The following TSTD2 variants were observed in gnomAD, a reference collection of about 807,000 sequenced individuals.
The protein encoded by TSTD2 is thiosulfate sulfurtransferase/rhodanese-like domain-containing protein 2.
A neutral mutation model predicts 47.9 loss-of-function variants in TSTD2; 37 were observed. The observed-to-expected ratio is 0.77, with a 90% confidence interval of 0.59 to 1.02. The LOEUF (loss-of-function observed/expected upper bound fraction) is 1.02, where lower values mean the gene tolerates loss of function less well. Among genes scored for constraint, TSTD2 ranks in the 50% least tolerant of loss-of-function variants. The pLI, the probability that TSTD2 is intolerant of heterozygous loss-of-function variation, is 0.00. For synonymous variants in TSTD2, 201 were observed against 215.9 expected (o/e 0.93, Z 0.61); for missense variants, 586 against 616.0 (o/e 0.95, Z 0.52).
At chr9:97,611,550 C>A in intron 5 of TSTD2, 24 bp downstream of exon 5, 1 of 1,577,378 alleles carries the variant, frequency 6.3e-7, no homozygotes, top group South Asian at 1.1e-5. Flanking sequence ...GCTCTAGATC[C>A]ATTTAATTTT....
At chr9:97,617,950 C>T (rs912115307) in intron 3 of TSTD2, 73 bp from the exon 4 acceptor site, 14 of 1,545,772 alleles carry the variant, frequency 9.1e-6, no homozygotes, top group African/African-American at 2.7e-5. Context: ...ATAAAATACA[C>T]CCAGGCAGTC....
At chr9:97,609,450 A>G (rs1826421204) in intron 6 of TSTD2, among the ~76,000 whole-genome samples, 1 of 152,264 alleles carries the variant, frequency 6.6e-6, no homozygotes, top group African/African-American at 2.4e-5. Flanking sequence ...GGGGAAAAAA[A>G]GATGGAAACA....
Position 97,602,249 on chromosome 9 carries a change from T to C in TSTD2, c.*220A>G, listed in dbSNP as rs925895683. The C allele has an allele frequency of 1.8e-6, 1 of 562,936 alleles. No individual in the cohort carries two copies. Among genetic ancestry groups the C allele is most frequent in the Non-Finnish European group, 3.0e-6 (1 of 331,786 alleles). The allele number at this position is 562,936 out of a possible 1,614,324, so 34.9% of individuals were successfully genotyped here. On this transcript the variant is annotated 3_prime_UTR_variant, in exon 10 of 10. Transcript: ENST00000341170. ...TTGGGATCCCATGCAGCTCACCTAT[T>C]TTCTGTGCTCTAGCATCATCCAAAT...
intron 3 of TSTD2, among the ~76,000 whole-genome samples, chr9:97,621,882 G>C (rs556867691): frequency 6.6e-6 from 1 of 152,122 alleles, no homozygotes; most frequent in East Asian, 1.9e-4. Flanking sequence ...TGAAGCATGT[G>C]ATCTCTGTGA....
chr9:97,620,428 C>A (rs776338564), intron 3 of TSTD2, among the ~76,000 whole-genome samples: 5 of 152,100 alleles, frequency 3.3e-5, no homozygotes, highest in African/African-American at 1.2e-4. Flanking sequence ...TGAACTAATA[C>A]AATAAATTGG....
At chr9:97,605,002 C>T (rs1826341925) in intron 8 of TSTD2, 137 bp from the exon 9 acceptor site, 5 of 1,433,282 alleles carry the variant, frequency 3.5e-6, no homozygotes, top group Non-Finnish European at 4.6e-6. Flanking sequence ...GCTCCTGGCT[C>T]CCACTGCGGG....
intron 6 of TSTD2, among the ~76,000 whole-genome samples, chr9:97,609,136 T>C (rs1434680497): frequency 1.3e-5 from 2 of 152,180 alleles, no homozygotes; most frequent in Non-Finnish European, 2.9e-5. Context: ...TGAAAAAAAG[T>C]AAACTAATAA....
rs201536601 is a variant in TSTD2, at chr9:97,602,696, A to G, written c.1324T>C (p.Leu442=). ...CSTPQCRQLV[L]TCPACQGQGF... ...TGTCCTTGACAGGCAGGGCAGGTCA[A>G]AACGAGCTGGCGGCACTGGGGAGTA... Residue 442 remains leucine, a synonymous_variant, in exon 10 of 10, where the codon TTG becomes CTG. Transcript: ENST00000341170. 51 of 1,614,090 alleles carry G rather than the reference A, an allele frequency of 3.2e-5. No individual in the cohort carries two copies. Among genetic ancestry groups the G allele is most frequent in the Non-Finnish European group, 4.1e-5 (48 of 1,180,036 alleles).
chr9:97,626,563 A>C (rs908449593), intron 2 of TSTD2, among the ~76,000 whole-genome samples: 1 of 152,232 alleles, frequency 6.6e-6, no homozygotes, highest in East Asian at 1.9e-4. Context: ...TATAAAAATT[A>C]CTTATGCTTA....
In TSTD2 at chr9:97,600,588, T is replaced by A; in HGVS notation, c.*1881A>T. 8.1e-6 allele frequency: 8 copies of A among 986,242 alleles called. No homozygotes were observed. The highest frequency in any genetic ancestry group is 9.6e-6 in the Non-Finnish European group (8 of 830,562). The allele number at this position is 986,242 out of a possible 1,614,324, so 61.1% of individuals were successfully genotyped here. On this transcript the variant is annotated 3_prime_UTR_variant, in exon 10 of 10. Transcript: ENST00000341170. The stretch of plus-strand genomic sequence containing the variant: ...GACACTAGAGGGATAAATTTCCAGA[T>A]CAACATGGCTATGGTATTTAGTAAT...
intron 4 of TSTD2, among the ~76,000 whole-genome samples, chr9:97,612,139 T>C (rs542573402): frequency 4.1e-4 from 63 of 152,338 alleles, no homozygotes; most frequent in African/African-American, 1.4e-3. Context: ...TGCGTTAGTT[T>C]GCTAAGGATA....
At position 97,610,036 on chromosome 9, in the gene TSTD2, T is replaced by A. The variant is rs146000469; in HGVS notation, c.835+310A>T. ...AGCAAAAGGCCTATTTGCTCTATTC[T>A]GCTAATGAACTGTTTACAAGTAATA... On this transcript the variant is annotated intron_variant, in intron 6 of 9. Transcript: ENST00000341170. Among the ~76,000 whole-genome samples, 75 of 152,314 alleles carry A rather than the reference T, an allele frequency of 4.9e-4. 2 individuals carry two copies. The highest frequency in any genetic ancestry group is 1.7e-3 in the African/African-American group (70 of 41,562).
intron 6 of TSTD2, among the ~76,000 whole-genome samples, chr9:97,607,360 T>C (rs1826382554): frequency 1.3e-5 from 2 of 152,156 alleles, no homozygotes; most frequent in South Asian, 4.1e-4. Flanking sequence ...GTGACTCAGT[T>C]ACCTACCACT....
chr9:97,623,856 C>CA (rs201554260), intron 3 of TSTD2, among the ~76,000 whole-genome samples: 7,189 of 138,110 alleles, frequency 0.052, 202 homozygotes, highest in Non-Finnish European at 0.075. Context: ...GACTCTGTCT[C>CA]AAAAAAAAAA....
intron 3 of TSTD2, among the ~76,000 whole-genome samples, chr9:97,624,167 T>G (rs905767883): frequency 6.6e-6 from 1 of 152,174 alleles, no homozygotes; most frequent in African/African-American, 2.4e-5. Flanking sequence ...TCTCCTAGAC[T>G]GTACTGAGGT....
At chr9:97,606,027 G>C (rs539348962) in intron 7 of TSTD2, 116 bp downstream of exon 7, 5 of 801,056 alleles carry the variant, frequency 6.2e-6, no homozygotes, top group Non-Finnish European at 1.1e-5. Context: ...CCAGTACTGG[G>C]AGGAGATCCA....
At chr9:97,620,819 C>T (rs748215288) in intron 3 of TSTD2, among the ~76,000 whole-genome samples, 1 of 152,132 alleles carries the variant, frequency 6.6e-6, no homozygotes, top group Non-Finnish European at 1.5e-5. Context: ...GATTTGGGTG[C>T]TGTTAAAGGC....
At chr9:97,617,391 C>T (rs942130827) in intron 4 of TSTD2, among the ~76,000 whole-genome samples, 1 of 152,200 alleles carries the variant, frequency 6.6e-6, no homozygotes, top group Non-Finnish European at 1.5e-5. Context: ...ATACCAGGGT[C>T]GGCATATTAT....
intron 7 of TSTD2, 100 bp downstream of exon 7, chr9:97,606,042 GC>G: frequency 1.1e-6 from 1 of 876,812 alleles, no homozygotes. Context: ...GATCCATGTG[GC>G]CACAGGTGGG....
Sources: gnomAD v4.1 joint callset for allele counts (sites outside exome capture counted in the v4.1 genomes callset) on GRCh38, gnomAD v4.1.1 for gene constraint, MANE v1.5 for transcripts, NCBI Gene and HGNC (gene_info 2026-07-23, HGNC 2026-07-21) for gene names.